The following SPATA6L variants were observed in gnomAD, a reference collection of about 807,000 sequenced individuals.
The protein encoded by SPATA6L is spermatogenesis associated 6 like.
SPATA6L carries 68 observed loss-of-function variants against 49.2 expected under a neutral mutation model. The ratio of observed to expected loss-of-function variants is 1.38; its 90% confidence interval spans 1.14 to 1.69. The LOEUF (loss-of-function observed/expected upper bound fraction) is 1.69. Among genes scored for constraint, SPATA6L ranks in the 40% most tolerant of loss-of-function variants. The probability of loss-of-function intolerance (pLI) is 0.00; values close to 1 mark genes in which losing one functional copy is unlikely to be tolerated. For synonymous variants in SPATA6L, 198 were observed against 165.7 expected (o/e 1.19, Z -1.50); for missense variants, 668 against 464.3 (o/e 1.44, Z -4.03).
chr9:4,653,214 T>C (rs1263617393), intron 3 of SPATA6L, among the ~76,000 whole-genome samples: 2 of 152,226 alleles, frequency 1.3e-5, no homozygotes, highest in African/African-American at 4.8e-5. Context: ...CTCACATTAC[T>C]GTAAGCTGAA....
At position 4,629,108 on chromosome 9, in the gene SPATA6L, G is replaced by A. The variant is rs1171296306; in HGVS notation, c.412C>T (p.His138Tyr). 3.1e-6 allele frequency: 5 copies of A among 1,605,532 alleles called. No individual in the cohort carries two copies. The South Asian group carries it at 5.5e-5, about 18-fold the overall frequency. ...RTAIRECVFLHRNRFLEERHE... is the reference protein window; with the variant it reads ...RTAIRECVFLYRNRFLEERHE... The stretch of plus-strand genomic sequence containing the variant: ...GTACTTACAAGAAATCTGTTTCTAT[G>A]CAGAAACACACATTCTCTGATGGCT... Residue 138 changes from histidine (H) to tyrosine (Y), a missense_variant, in exon 5 of 12, where the codon CAT becomes TAT. His to Tyr is a moderately conservative substitution (Grantham distance 83). Coordinates refer to ENST00000682582, the MANE Select transcript of SPATA6L (RefSeq NM_001353486.2).
In SPATA6L at chr9:4,648,402, T is replaced by C. The variant is rs1835930346; in HGVS notation, c.226+7639A>G. On this transcript the variant is annotated intron_variant, in intron 3 of 11. Coordinates refer to ENST00000682582, the MANE Select transcript of SPATA6L (RefSeq NM_001353486.2). Reference sequence around the variant, plus strand: ...CAGGTTATTGGGGAATAGATGGTGTTTGATTATAAGTTCTTGGCTGGGCAC... The same window carrying C: ...CAGGTTATTGGGGAATAGATGGTGTCTGATTATAAGTTCTTGGCTGGGCAC... 2.6e-5 allele frequency among the ~76,000 whole-genome samples: 4 copies of C among 152,124 alleles called. No individual in the cohort carries two copies. In the South Asian group the frequency reaches 6.2e-4, roughly 24 times the overall value.
At chr9:4,629,066 A>G (rs777459011) in intron 5 of SPATA6L, 25 bp downstream of exon 5, 13 of 1,511,552 alleles carry the variant, frequency 8.6e-6, no homozygotes, top group African/African-American at 1.4e-5. Flanking sequence ...GGTCATTTCT[A>G]TCACTAGATT....
downstream of SPATA6L, among the ~76,000 whole-genome samples, chr9:4,595,393 G>A (rs1252546610): frequency 6.6e-6 from 1 of 152,062 alleles, no homozygotes; most frequent in Non-Finnish European, 1.5e-5. Context: ...CAAAGGCTTT[G>A]TCAGAGTCTC....
intron 9 of SPATA6L, among the ~76,000 whole-genome samples, chr9:4,607,550 C>T (rs1012351012): frequency 3.4e-4 from 51 of 152,226 alleles, no homozygotes; most frequent in Middle Eastern, 3.4e-3. Flanking sequence ...AACTAAGCTT[C>T]ATAAGTGAAG....
At chr9:4,644,906 A>C (rs1202364254) in intron 3 of SPATA6L, among the ~76,000 whole-genome samples, 7 of 152,186 alleles carry the variant, frequency 4.6e-5, no homozygotes, top group African/African-American at 1.7e-4. Context: ...TGATTCTAGC[A>C]CAGGGGTCAC....
intron 9 of SPATA6L, among the ~76,000 whole-genome samples, chr9:4,617,169 G>A (rs1476635186): frequency 1.3e-5 from 2 of 152,258 alleles, no homozygotes; most frequent in East Asian, 1.9e-4. Flanking sequence ...GAGCAATTGC[G>A]TTATTTTGGT....
chr9:4,648,597 G>C (rs2130701819), intron 3 of SPATA6L, among the ~76,000 whole-genome samples: 1 of 151,982 alleles, frequency 6.6e-6, no homozygotes, highest in Non-Finnish European at 1.5e-5. Context: ...CTACGCGGGA[G>C]GCTGAGGCAG....
intron 1 of SPATA6L, 137 bp downstream of exon 1, chr9:4,666,075 C>A: frequency 3.9e-6 from 3 of 761,562 alleles, no homozygotes; most frequent in East Asian, 2.7e-5. Flanking sequence ...GAGAAAAAGA[C>A]AAAGGTGCGA....
chr9:4,595,530 T>A (rs939421741), downstream of SPATA6L, among the ~76,000 whole-genome samples: 3 of 152,198 alleles, frequency 2.0e-5, no homozygotes, highest in African/African-American at 7.2e-5. Context: ...AATACTCGCC[T>A]GAATATTTAG....
At chr9:4,639,547 T>A (rs1044905218) in intron 3 of SPATA6L, among the ~76,000 whole-genome samples, 2 of 152,168 alleles carry the variant, frequency 1.3e-5, no homozygotes, top group African/African-American at 4.8e-5. Flanking sequence ...AAATCCAAAC[T>A]GCCACCAAGT....
rs371280167 is a variant in SPATA6L, at chr9:4,622,394, A to C, written c.772+14T>G. ...CATAGGGAAATGTACAGGAGTAACAAGAAACTCGAGTACCTCTTCTCGTTG... is the reference window on the plus strand; with the variant it reads ...CATAGGGAAATGTACAGGAGTAACACGAAACTCGAGTACCTCTTCTCGTTG... On this transcript the variant is annotated intron_variant, in intron 7 of 11. Transcript: ENST00000682582. The C allele has an allele frequency of 4.5e-6, 7 of 1,549,186 alleles. No individual in the cohort carries two copies. Among genetic ancestry groups the C allele is most frequent in the Non-Finnish European group, 6.2e-6 (7 of 1,121,626 alleles).
At chr9:4,652,709 T>G (rs1210984927) in intron 3 of SPATA6L, among the ~76,000 whole-genome samples, 2 of 151,620 alleles carry the variant, frequency 1.3e-5, no homozygotes, top group East Asian at 3.9e-4. Flanking sequence ...GGCGTGGTGG[T>G]GCATGCCTGT....
chr9:4,604,295 T>C (rs754626859), intron 10 of SPATA6L, 26 bp from the exon 11 acceptor site: 1 of 1,474,004 alleles, frequency 6.8e-7, no homozygotes, highest in Non-Finnish European at 9.5e-7. Flanking sequence ...ATCCAGCAAT[T>C]ATGTTACCCA....
intron 3 of SPATA6L, among the ~76,000 whole-genome samples, chr9:4,655,480 T>G (rs1837921051): frequency 6.6e-6 from 1 of 152,190 alleles, no homozygotes; most frequent in Admixed American, 6.6e-5. Context: ...AAAACAATTT[T>G]TATAAATAAA....
At position 4,662,718 on chromosome 9, in the gene SPATA6L, A is replaced by C; in HGVS notation, c.40-682T>G. On this transcript the variant is annotated intron_variant, in intron 1 of 11. Transcript: ENST00000682582. The surrounding 1 kb of genome is among the most constrained non-coding windows in gnomAD (Gnocchi z 4.9). Reference sequence around the variant, plus strand: ...GCTGGCCATCGACCTGTGGCTGTCCAAGAAGCTGGGGGTGTGCGCGGGAGA... The same window carrying C: ...GCTGGCCATCGACCTGTGGCTGTCCCAGAAGCTGGGGGTGTGCGCGGGAGA... 2 of 1,602,340 alleles carry C rather than the reference A, an allele frequency of 1.2e-6. No homozygotes were observed. Among genetic ancestry groups the C allele is most frequent in the Admixed American group, 1.7e-5 (1 of 60,020 alleles).
At chr9:4,595,742 T>TCTTGGTA (rs1822205901), downstream of SPATA6L, among the ~76,000 whole-genome samples, 1 of 152,186 alleles carries the variant, frequency 6.6e-6, no homozygotes, top group South Asian at 2.1e-4. Flanking sequence ...AGCAACAGTA[T>TCTTGGTA]CTTGGTACAT....
At chr9:4,650,375 A>C (rs1251504384) in intron 3 of SPATA6L, among the ~76,000 whole-genome samples, 1 of 152,220 alleles carries the variant, frequency 6.6e-6, no homozygotes, top group Non-Finnish European at 1.5e-5. Context: ...TAAAAGTCAT[A>C]CCATCCACAC....
intron 9 of SPATA6L, among the ~76,000 whole-genome samples, chr9:4,613,152 T>C (rs905018457): frequency 6.6e-6 from 1 of 151,410 alleles, no homozygotes; most frequent in Non-Finnish European, 1.5e-5. Context: ...TGCTTGAACC[T>C]GGGAGGTGGA....
Sources: gnomAD v4.1 joint callset for allele counts (sites outside exome capture counted in the v4.1 genomes callset) on GRCh38, gnomAD v4.1.1 for gene constraint, Gnocchi (gnomAD v3.1) non-coding constraint, MANE v1.5 for transcripts, NCBI Gene and HGNC (gene_info 2026-07-23, HGNC 2026-07-21) for gene names.